The following TRPM3 variants were observed in gnomAD, a reference collection of about 807,000 sequenced individuals.
The protein encoded by TRPM3 is long transient receptor potential channel 3.
Under a neutral mutation model 181.2 loss-of-function variants are expected in TRPM3, and 77 were observed. That is an observed-to-expected ratio of 0.42 (90% CI 0.35 to 0.51). TRPM3 has a LOEUF of 0.51. Among genes scored for constraint, TRPM3 ranks in the 20% least tolerant of loss-of-function variants. The probability of loss-of-function intolerance (pLI) is 0.01; values close to 1 mark genes in which losing one functional copy is unlikely to be tolerated. For missense variants in TRPM3, 1,759 were observed against 2,196.7 expected, an observed-to-expected ratio of 0.80 and a Z score of 3.98; for synonymous variants, 745 against 796.4, an observed-to-expected ratio of 0.94 and a Z score of 1.09.
chr9:70,840,291 C>G (rs1442873953), intron 5 of TRPM3, among the ~76,000 whole-genome samples: 1 of 152,176 alleles, frequency 6.6e-6, no homozygotes, highest in South Asian at 2.1e-4. Context: ...ACAGAGTGGT[C>G]AAAATTCAAT....
intron 1 of TRPM3, among the ~76,000 whole-genome samples, chr9:71,070,116 T>C (rs1419110234): frequency 6.6e-6 from 1 of 152,188 alleles, no homozygotes; most frequent in Non-Finnish European, 1.5e-5. Flanking sequence ...AATCAGCATA[T>C]AAATCAAAGG....
chr9:70,588,794 C>A (rs1487207347), intron 22 of TRPM3, among the ~76,000 whole-genome samples: 1 of 152,222 alleles, frequency 6.6e-6, no homozygotes, highest in Non-Finnish European at 1.5e-5. Flanking sequence ...GTCACCCAAT[C>A]CCCACTGGGC....
At chr9:71,049,037 T>C (rs1590971170) in intron 1 of TRPM3, among the ~76,000 whole-genome samples, 1 of 152,300 alleles carries the variant, frequency 6.6e-6, no homozygotes, top group Non-Finnish European at 1.5e-5. Flanking sequence ...AATAGCTTTA[T>C]CCTAATCTTC....
intron 1 of TRPM3, among the ~76,000 whole-genome samples, chr9:70,978,896 G>A (rs1026812628): frequency 2.0e-5 from 3 of 152,094 alleles, no homozygotes; most frequent in Non-Finnish European, 4.4e-5. Flanking sequence ...TATTCACACT[G>A]ATACTTTTCC....
chr9:71,126,114 T>C (rs987696305), upstream of TRPM3, among the ~76,000 whole-genome samples: 1 of 151,978 alleles, frequency 6.6e-6, no homozygotes, highest in Non-Finnish European at 1.5e-5. Flanking sequence ...AACAAACATA[T>C]GGAAAAAAGC....
At position 71,003,294 on chromosome 9, in the gene TRPM3, C is replaced by T. The variant is rs144433448; in HGVS notation, c.177+117884G>A. ...TTTCTGTGTGCCTCTGTGTATATGG[C>T]ACTTTATTGTGCAAAGTTCATTCAG... On this transcript the variant is annotated intron_variant, in intron 1 of 25. Transcript: ENST00000677713. Among the ~76,000 whole-genome samples the T allele has an allele frequency of 2.6e-5, 4 of 151,366 alleles. No individual in the cohort carries two copies. The East Asian group carries it at 7.8e-4, about 29-fold the overall frequency.
chr9:71,301,197 C>G (rs1396992945), intron 1 of TRPM3, among the ~76,000 whole-genome samples: 3 of 152,146 alleles, frequency 2.0e-5, no homozygotes, highest in Non-Finnish European at 4.4e-5. Context: ...AGAGATCTCA[C>G]CTCATTCATC....
chr9:70,670,331 T>C (rs2062674692), intron 9 of TRPM3, among the ~76,000 whole-genome samples: 1 of 152,240 alleles, frequency 6.6e-6, no homozygotes. Flanking sequence ...TGTATAAACA[T>C]GCTCTGTGAA....
rs575815831 is a variant in TRPM3 at position 70,601,525 on chromosome 9, T to C, written c.2796+1817A>G. 6.2e-4 allele frequency among the ~76,000 whole-genome samples: 94 copies of C among 152,192 alleles called. 1 individual carries two copies. The highest frequency in any genetic ancestry group is 2.1e-3 in the African/African-American group (87 of 41,538). ...CACCCTTTGGTCGTCAAGCAACTCT[T>C]CAGTGAGTTCAGGGCAGGACACAGG... On this transcript the variant is annotated intron_variant, in intron 20 of 25. Transcript: ENST00000677713.
chr9:71,064,296 T>C (rs916004584), intron 1 of TRPM3, among the ~76,000 whole-genome samples: 1 of 152,138 alleles, frequency 6.6e-6, no homozygotes, highest in Non-Finnish European at 1.5e-5. Flanking sequence ...TTGAGTCTCT[T>C]GCTAATGGTT....
At chr9:70,873,968 TGAA>T (rs2095832651) in intron 1 of TRPM3, among the ~76,000 whole-genome samples, 1 of 151,976 alleles carries the variant, frequency 6.6e-6, no homozygotes, top group South Asian at 2.1e-4. Context: ...CTTTGTGGGC[TGAA>T]GTTATTTGTA....
rs572211864 is a variant in TRPM3 at position 70,630,478 on chromosome 9, G to A, written c.1632+4733C>T. Among the ~76,000 whole-genome samples the A allele has an allele frequency of 5.9e-4, 90 of 152,342 alleles. 3 individuals carry two copies. The highest frequency in any genetic ancestry group is 2.0e-3 in the African/African-American group (85 of 41,580). On this transcript the variant is annotated intron_variant, in intron 12 of 25. Coordinates refer to ENST00000677713, the MANE Select transcript of TRPM3 (RefSeq NM_001366145.2). ...ATAGATGGGGATGGGGTGGTGCTCA[G>A]TGCATCCAGCTCCTCTGGAAAAAGC...
chr9:70,787,597 G>GA (rs2083982135), intron 6 of TRPM3, among the ~76,000 whole-genome samples: 1 of 151,994 alleles, frequency 6.6e-6, no homozygotes, highest in Non-Finnish European at 1.5e-5. Context: ...TCTGGCAAAA[G>GA]AAAATGACAT....
At chr9:70,849,632 C>A (rs1265942640) in intron 3 of TRPM3, among the ~76,000 whole-genome samples, 1 of 151,998 alleles carries the variant, frequency 6.6e-6, no homozygotes, top group Non-Finnish European at 1.5e-5. Flanking sequence ...AAACACTGGA[C>A]AATACAGCAT....
At chr9:71,361,426 A>T (rs2092139728) in intron 1 of TRPM3, among the ~76,000 whole-genome samples, 1 of 152,184 alleles carries the variant, frequency 6.6e-6, no homozygotes, top group South Asian at 2.1e-4. Context: ...AGAAAAAGGG[A>T]CTAGAATAAT....
chr9:71,326,283 A>G (rs549108136), intron 1 of TRPM3, among the ~76,000 whole-genome samples: 92 of 152,358 alleles, frequency 6.0e-4, no homozygotes, highest in African/African-American at 2.2e-3. Context: ...TCAGAGCTAG[A>G]GAAAAGCCAA....
intron 7 of TRPM3, among the ~76,000 whole-genome samples, chr9:70,772,461 C>A (rs539102625): frequency 2.0e-5 from 3 of 152,090 alleles, no homozygotes; most frequent in Non-Finnish European, 4.4e-5. Flanking sequence ...GGGACTTGGC[C>A]TCCTGAGATG....
At chr9:71,303,953 G>T (rs754052308) in intron 1 of TRPM3, among the ~76,000 whole-genome samples, 1 of 151,676 alleles carries the variant, frequency 6.6e-6, no homozygotes, top group African/African-American at 2.4e-5. Flanking sequence ...ACACACTTGA[G>T]GCTAGCCATT....
At chr9:70,666,937 C>T (rs1423464578) in intron 9 of TRPM3, among the ~76,000 whole-genome samples, 1 of 151,710 alleles carries the variant, frequency 6.6e-6, no homozygotes, top group Non-Finnish European at 1.5e-5. Flanking sequence ...TATTTTTAAT[C>T]CCCCAAAACT....
Sources: allele counts gnomAD v4.1 joint callset (sites outside exome capture counted in the v4.1 genomes callset), GRCh38; gene constraint gnomAD v4.1.1; transcripts MANE v1.5; gene names NCBI Gene and HGNC (gene_info 2026-07-23, HGNC 2026-07-21).